Variants in CSMD1 observed in about 807,000 individuals in gnomAD.
CSMD1 encodes the protein CUB and Sushi multiple domains 1.
A neutral mutation model predicts 417.5 loss-of-function variants in CSMD1; 213 were observed. The ratio of observed to expected loss-of-function variants is 0.51; its 90% CI spans 0.46 to 0.57. The LOEUF is 0.57. Among genes scored for constraint, CSMD1 ranks in the 20% least tolerant of loss-of-function variants. CSMD1 has a pLI of 0.00. For synonymous variants in CSMD1, 2,862 were observed against 1,736.8 expected, an observed-to-expected ratio of 1.65 and a Z score of -16.11; for missense variants, 6,923 against 4,529.7, an observed-to-expected ratio of 1.53 and a Z score of -15.17.
chr8:4,750,681 GTGATTAAAC>G (rs898289081), intron 1 of CSMD1, among the ~76,000 whole-genome samples: 2 of 151,398 alleles, frequency 1.3e-5, no homozygotes, highest in African/African-American at 4.9e-5. Context: ...CAAATTCATT[GTGATTAAAC>G]TGTGTATTGA....
intron 3 of CSMD1, among the ~76,000 whole-genome samples, chr8:4,319,838 G>A (rs1028076087): frequency 1.1e-4 from 17 of 152,056 alleles, no homozygotes; most frequent in Non-Finnish European, 1.8e-4. Context: ...CTTCAGCTGA[G>A]AGCTCACCTG....
chr8:4,011,543 A>T (rs1162842695), intron 4 of CSMD1, among the ~76,000 whole-genome samples: 1 of 152,138 alleles, frequency 6.6e-6, no homozygotes, highest in African/African-American at 2.4e-5. Flanking sequence ...GAAGGCCCAC[A>T]TGTCAGCCAC....
chr8:4,558,045 CT>C (rs1313553405), intron 2 of CSMD1, among the ~76,000 whole-genome samples: 3 of 152,190 alleles, frequency 2.0e-5, no homozygotes, highest in African/African-American at 7.2e-5. Flanking sequence ...CTAACAATGC[CT>C]TATGTCATAC....
chr8:4,089,688 A>G (rs563012903), intron 3 of CSMD1, among the ~76,000 whole-genome samples: 3 of 152,340 alleles, frequency 2.0e-5, no homozygotes, highest in Non-Finnish European at 4.4e-5. Flanking sequence ...AACATATAGA[A>G]TGTGCCCAAC....
intron 1 of CSMD1, among the ~76,000 whole-genome samples, chr8:4,707,529 G>T (rs185900636): frequency 1.3e-5 from 2 of 152,104 alleles, no homozygotes; most frequent in African/African-American, 4.8e-5. Context: ...CAGTTAAATG[G>T]AGAGGCCGCT....
At position 3,884,632 on chromosome 8, in the gene CSMD1, C is replaced by G. The variant is rs146294085; in HGVS notation, c.818+113271G>C. 4.0e-3 allele frequency among the ~76,000 whole-genome samples: 603 copies of G among 152,168 alleles called. 5 individuals carry two copies. The highest frequency in any genetic ancestry group is 7.4e-3 in the Non-Finnish European group (504 of 68,008). On this transcript the variant is annotated intron_variant, in intron 5 of 69. Transcript: ENST00000635120. ...GTTCTGATTTGGTTAAACAAAAAGA[C>G]GTTACTTAATGTTGACCAATAAATT...
intron 2 of CSMD1, among the ~76,000 whole-genome samples, chr8:4,466,080 G>C (rs1010321602): frequency 2.8e-4 from 42 of 152,310 alleles, no homozygotes; most frequent in Middle Eastern, 3.4e-3. Context: ...AAGTTATGGA[G>C]AGATTAAATA....
chr8:4,608,260 T>C (rs1266335999), intron 2 of CSMD1, among the ~76,000 whole-genome samples: 1 of 152,004 alleles, frequency 6.6e-6, no homozygotes, highest in African/African-American at 2.4e-5. Flanking sequence ...TTGATTTCAG[T>C]GGTAAAAGTC....
intron 5 of CSMD1, among the ~76,000 whole-genome samples, chr8:3,960,178 T>C (rs1268216924): frequency 2.6e-5 from 4 of 152,188 alleles, no homozygotes; most frequent in Non-Finnish European, 4.4e-5. Flanking sequence ...GTATGTTGCC[T>C]TTACTTGTGA....
rs747802898 is a variant in CSMD1 at position 4,637,449 on chromosome 8, G to A, written c.195C>T (p.Gly65=). 1.7e-5 allele frequency: 28 copies of A among 1,613,616 alleles called. No individual in the cohort carries two copies. The highest frequency in any genetic ancestry group is 2.7e-5 in the African/African-American group (2 of 74,924). The change falls in exon 2 of 70, where the codon GGC becomes GGT. Residue 65 remains glycine, a synonymous_variant. Transcript: ENST00000635120. ...AGGACAACTGTATCCTATTGCGCTC[G>A]CCCGTGATGATGATCCAGGTGCAGT... ...YANCTWIIIT[G]ERNRIQLSFH...
chr8:4,653,646 G>C (rs1804047572), intron 1 of CSMD1, among the ~76,000 whole-genome samples: 1 of 152,088 alleles, frequency 6.6e-6, no homozygotes, highest in Admixed American at 6.5e-5. Context: ...GCGGGTTCCT[G>C]ATCTCATTGT....
chr8:3,035,303 T>G (rs1810601079), intron 50 of CSMD1, among the ~76,000 whole-genome samples: 1 of 152,152 alleles, frequency 6.6e-6, no homozygotes, highest in African/African-American at 2.4e-5. Flanking sequence ...TAATTGTATA[T>G]GTAATTCTAC....
chr8:3,232,743 G>C (rs910499832), intron 26 of CSMD1, among the ~76,000 whole-genome samples: 1 of 152,014 alleles, frequency 6.6e-6, no homozygotes, highest in African/African-American at 2.4e-5. Context: ...GACCATCTTA[G>C]CTTGTGTTTT....
chr8:4,848,388 G>T (rs939321444), intron 1 of CSMD1, among the ~76,000 whole-genome samples: 6 of 152,186 alleles, frequency 3.9e-5, no homozygotes, highest in Admixed American at 1.3e-4. Flanking sequence ...TAGTGGAGCT[G>T]AAAAATTCCT....
intron 10 of CSMD1, among the ~76,000 whole-genome samples, chr8:3,521,707 T>C (rs1013140472): frequency 6.6e-6 from 1 of 152,226 alleles, no homozygotes; most frequent in Non-Finnish European, 1.5e-5. Context: ...TGACCAGAAT[T>C]TTCTTAATGA....
At chr8:4,448,212 A>G (rs771291823) in intron 2 of CSMD1, among the ~76,000 whole-genome samples, 1 of 152,304 alleles carries the variant, frequency 6.6e-6, no homozygotes, top group African/African-American at 2.4e-5. Context: ...AACACTGAAA[A>G]TATTTTTCAT....
chr8:4,061,948 T>C (rs1197476718), intron 3 of CSMD1, among the ~76,000 whole-genome samples: 1 of 152,170 alleles, frequency 6.6e-6, no homozygotes, highest in Admixed American at 6.5e-5. Flanking sequence ...AGATTCTTCA[T>C]CAGCATTATC....
intron 3 of CSMD1, among the ~76,000 whole-genome samples, chr8:4,360,736 C>T (rs1801708815): frequency 2.0e-5 from 3 of 151,598 alleles, no homozygotes; most frequent in South Asian, 2.1e-4. Flanking sequence ...CCTCGTGATC[C>T]GCCTACCTCG....
At chr8:3,568,966 A>G (rs1003774845) in intron 10 of CSMD1, among the ~76,000 whole-genome samples, 2 of 152,160 alleles carry the variant, frequency 1.3e-5, no homozygotes, top group African/African-American at 2.4e-5. Context: ...CTCACAATAT[A>G]TATTACTTTT....
Sources: gnomAD v4.1 joint callset for allele counts (sites outside exome capture counted in the v4.1 genomes callset) on GRCh38, gnomAD v4.1.1 for gene constraint, MANE v1.5 for transcripts, NCBI Gene and HGNC (gene_info 2026-07-23, HGNC 2026-07-21) for gene names.